Variants in TMEM178B observed in about 807,000 individuals in gnomAD.
TMEM178B encodes the protein transmembrane protein 178B.
In TMEM178B, 5 loss-of-function variants were observed where a neutral mutation model predicts 31.0. That is an observed-to-expected ratio of 0.16 (90% CI 0.08 to 0.34). TMEM178B has a LOEUF of 0.34. TMEM178B is among the 10% of genes least tolerant of loss of function. The pLI is 1.00. For synonymous variants in TMEM178B, 164 were observed against 164.0 expected (o/e 1.00, Z 0.00); for missense variants, 275 against 400.3 (o/e 0.69, Z 2.67).
rs1018620781 is a variant in TMEM178B at position 141,440,329 on chromosome 7, C to G, written c.634+2584C>G. On this transcript the variant is annotated intron_variant, in intron 3 of 3. Transcript: ENST00000565468. Reference sequence around the variant, plus strand: ...TTCTCAACCACTGCACTTTAATCACCCGGAGAGCTTTTAAAAAAATACTGA... The same window carrying G: ...TTCTCAACCACTGCACTTTAATCACGCGGAGAGCTTTTAAAAAAATACTGA... Among the ~76,000 whole-genome samples, 14 of 152,280 alleles carry G rather than the reference C, an allele frequency of 9.2e-5. 1 individual carries two copies. The highest frequency in any genetic ancestry group is 3.4e-4 in the African/African-American group (14 of 41,556).
At chr7:141,194,594 G>A (rs928755375) in intron 1 of TMEM178B, among the ~76,000 whole-genome samples, 3 of 152,138 alleles carry the variant, frequency 2.0e-5, no homozygotes, top group Admixed American at 1.3e-4. Flanking sequence ...GCTTTCCTGG[G>A]CTGGTGTTTA....
chr7:141,303,579 A>G (rs1241853872), intron 2 of TMEM178B, among the ~76,000 whole-genome samples: 1 of 152,186 alleles, frequency 6.6e-6, no homozygotes, highest in Non-Finnish European at 1.5e-5. Context: ...TTGTTAATTG[A>G]GAGATGAGGC....
chr7:141,129,434 CAATT>C (rs373710360), intron 1 of TMEM178B, among the ~76,000 whole-genome samples: 3 of 152,236 alleles, frequency 2.0e-5, no homozygotes, highest in African/African-American at 2.4e-5. Flanking sequence ...GTGAACAGCT[CAATT>C]AATCTTTACA....
intron 1 of TMEM178B, among the ~76,000 whole-genome samples, chr7:141,190,809 C>T (rs992125325): frequency 6.6e-6 from 1 of 152,178 alleles, no homozygotes; most frequent in African/African-American, 2.4e-5. Flanking sequence ...CCCAAGTATC[C>T]TTCTGTAGAC....
intron 2 of TMEM178B, among the ~76,000 whole-genome samples, chr7:141,338,739 TG>T (rs1799467380): frequency 6.6e-6 from 1 of 152,148 alleles, no homozygotes; most frequent in Non-Finnish European, 1.5e-5. Flanking sequence ...GTGTGGTGGG[TG>T]GGGTATGCAG....
At chr7:141,157,043 A>G (rs1478275977) in intron 1 of TMEM178B, among the ~76,000 whole-genome samples, 2 of 152,172 alleles carry the variant, frequency 1.3e-5, no homozygotes, top group African/African-American at 2.4e-5. Flanking sequence ...GGGCCAGCAG[A>G]CGACCCTGAG....
chr7:141,123,447 A>T (rs1335256670), intron 1 of TMEM178B, among the ~76,000 whole-genome samples: 2 of 152,192 alleles, frequency 1.3e-5, no homozygotes, highest in African/African-American at 4.8e-5. Context: ...TTATCCCCTG[A>T]AGCTCCTGGA....
At chr7:141,387,671 C>A (rs1469212822) in intron 2 of TMEM178B, among the ~76,000 whole-genome samples, 1 of 152,192 alleles carries the variant, frequency 6.6e-6, no homozygotes, top group African/African-American at 2.4e-5. Flanking sequence ...CTTCTCGTAT[C>A]TGCGCACCCC....
At chr7:141,322,715 A>T (rs1799122361) in intron 2 of TMEM178B, among the ~76,000 whole-genome samples, 1 of 152,086 alleles carries the variant, frequency 6.6e-6, no homozygotes, top group African/African-American at 2.4e-5. Flanking sequence ...AAACCTGGTT[A>T]CCCCAGCCTG....
chr7:141,235,801 A>G (rs1797518736), intron 2 of TMEM178B, among the ~76,000 whole-genome samples: 1 of 152,208 alleles, frequency 6.6e-6, no homozygotes, highest in Admixed American at 6.5e-5. Context: ...GCCCTAAGAA[A>G]TTGCCAGGGC....
chr7:141,447,987 CT>C (rs1801792247), intron 3 of TMEM178B, among the ~76,000 whole-genome samples: 1 of 152,002 alleles, frequency 6.6e-6, no homozygotes, highest in African/African-American at 2.4e-5. Flanking sequence ...ACTCCATAGA[CT>C]TTTGCTGCAG....
rs1019263219 is a variant in TMEM178B, at chr7:141,422,826, G to T, written c.497-14782G>T. Among the ~76,000 whole-genome samples the T allele has an allele frequency of 1.3e-5, 2 of 151,970 alleles. No individual in the cohort carries two copies. Among genetic ancestry groups the T allele is most frequent in the African/African-American group, 2.4e-5 (1 of 41,346 alleles). On this transcript the variant is annotated intron_variant, in intron 2 of 3. Transcript: ENST00000565468. The surrounding 1 kb of genome is among the most constrained non-coding windows in gnomAD (Gnocchi z 4.2). ...CACCAACCTTCTGCGTCCATCTCCT[G>T]GTCTCTTGTTATATGTAAACTGAAG...
At chr7:141,259,956 T>G (rs2116357876) in intron 2 of TMEM178B, among the ~76,000 whole-genome samples, 1 of 152,288 alleles carries the variant, frequency 6.6e-6, no homozygotes, top group Admixed American at 6.5e-5. Context: ...TGTGGATAGC[T>G]GGGGCCCTCT....
chr7:141,371,527 A>G (rs956921466), intron 2 of TMEM178B, among the ~76,000 whole-genome samples: 1 of 152,206 alleles, frequency 6.6e-6, no homozygotes, highest in African/African-American at 2.4e-5. Flanking sequence ...AACACAAAAC[A>G]GACTAAGACA....
intron 2 of TMEM178B, among the ~76,000 whole-genome samples, chr7:141,419,945 AT>A (rs2116649990): frequency 6.6e-6 from 1 of 152,312 alleles, no homozygotes; most frequent in South Asian, 2.1e-4. Flanking sequence ...TCTTTCTCCT[AT>A]TCATCAAATA....
chr7:141,106,540 A>G (rs1795150663), intron 1 of TMEM178B, among the ~76,000 whole-genome samples: 1 of 152,192 alleles, frequency 6.6e-6, no homozygotes, highest in South Asian at 2.1e-4. Flanking sequence ...ACGGGTTGTG[A>G]GAAAGTTTTA....
chr7:141,325,678 A>G (rs757376270), intron 2 of TMEM178B, among the ~76,000 whole-genome samples: 2 of 152,170 alleles, frequency 1.3e-5, no homozygotes, highest in Admixed American at 6.5e-5. Flanking sequence ...ACACTGGTCC[A>G]TGTTCTCAGA....
At chr7:141,316,017 A>T (rs550326864) in intron 2 of TMEM178B, among the ~76,000 whole-genome samples, 8 of 152,274 alleles carry the variant, frequency 5.3e-5, no homozygotes, top group South Asian at 2.1e-4. Context: ...GTTGCTAAAG[A>T]CATGTCAGCT....
chr7:141,079,664 C>A (rs1360860208), intron 1 of TMEM178B, among the ~76,000 whole-genome samples: 1 of 152,130 alleles, frequency 6.6e-6, no homozygotes, highest in African/African-American at 2.4e-5. Flanking sequence ...TCCCTTCTTC[C>A]CTCCTGCCCT....
Sources: gnomAD v4.1 joint callset for allele counts (sites outside exome capture counted in the v4.1 genomes callset) on GRCh38, gnomAD v4.1.1 for gene constraint, Gnocchi (gnomAD v3.1) non-coding constraint, MANE v1.5 for transcripts, NCBI Gene and HGNC (gene_info 2026-07-23, HGNC 2026-07-21) for gene names.